The following KCNMA1 variants were observed in gnomAD, a reference collection of about 807,000 sequenced individuals.
KCNMA1 encodes the protein Calcium-activated potassium channel subunit alpha-1.
In KCNMA1, 29 loss-of-function variants were observed where a neutral mutation model predicts 140.0. The observed-to-expected ratio is 0.21, with a 90% CI of 0.15 to 0.28. The LOEUF (loss-of-function observed/expected upper bound fraction) is 0.28, where lower values mean the gene tolerates loss of function less well. Ranked by LOEUF, KCNMA1 falls within the 10% of genes least tolerant of loss-of-function variation. The pLI, the probability that KCNMA1 is intolerant of heterozygous loss-of-function variation, is 1.00. For missense variants in KCNMA1, 880 were observed against 1,602.2 expected (o/e 0.55, Z 7.70); for synonymous variants, 612 against 611.9 (o/e 1.00, Z 0.00).
At chr10:77,595,420 AAT>A (rs2080602925) in intron 1 of KCNMA1, among the ~76,000 whole-genome samples, 1 of 151,772 alleles carries the variant, frequency 6.6e-6, no homozygotes, top group South Asian at 2.1e-4. Context: ...TCCACCCAGT[AAT>A]AGGATAAAAA....
intron 25 of KCNMA1, among the ~76,000 whole-genome samples, chr10:76,908,835 TAATA>T (rs1247341203): frequency 2.0e-5 from 3 of 152,210 alleles, no homozygotes; most frequent in Admixed American, 2.0e-4. Flanking sequence ...ATTTTCTACA[TAATA>T]AATAAAGATG....
intron 9 of KCNMA1, among the ~76,000 whole-genome samples, chr10:77,100,264 T>C (rs186103244): frequency 2.0e-5 from 3 of 152,320 alleles, no homozygotes; most frequent in Admixed American, 2.0e-4. Context: ...TTCTATACAC[T>C]AGCTGACATT....
chr10:76,882,243 G>A (rs1446127176), downstream of KCNMA1, among the ~76,000 whole-genome samples: 1 of 152,208 alleles, frequency 6.6e-6, no homozygotes, highest in Non-Finnish European at 1.5e-5. Context: ...CAGAAAAGGG[G>A]AGACAATGAT....
At chr10:77,388,942 G>A (rs977537903) in intron 2 of KCNMA1, among the ~76,000 whole-genome samples, 1 of 152,118 alleles carries the variant, frequency 6.6e-6, no homozygotes, top group African/African-American at 2.4e-5. Context: ...CTCCAACTCT[G>A]GGGAAAACAA....
intron 9 of KCNMA1, among the ~76,000 whole-genome samples, chr10:77,099,860 C>T (rs148913549): frequency 3.3e-5 from 5 of 152,268 alleles, no homozygotes; most frequent in African/African-American, 1.2e-4. Flanking sequence ...AATCTTTCTG[C>T]ACCCCTCTTT....
chr10:76,977,477 G>C (rs540805572), intron 19 of KCNMA1: 1 of 684,576 alleles, frequency 1.5e-6, no homozygotes, highest in Admixed American at 2.0e-5. Context: ...CATCTCTAAC[G>C]ACAAAGTTGA....
intron 3 of KCNMA1, among the ~76,000 whole-genome samples, chr10:77,246,843 G>A (rs2058647008): frequency 6.6e-6 from 1 of 152,160 alleles, no homozygotes; most frequent in South Asian, 2.1e-4. Context: ...TGGATGAGAT[G>A]CTCTACAAAA....
At position 77,351,749 on chromosome 10, in the gene KCNMA1, C is replaced by T. The variant is rs190217943; in HGVS notation, c.540+52113G>A. Among the ~76,000 whole-genome samples, 90 of 152,326 alleles carry T rather than the reference C, an allele frequency of 5.9e-4. 1 individual carries two copies. The East Asian group carries it at 0.017, about 29-fold the overall frequency. ...AGATCCACAAATTTCTTGCAATATT[C>T]ATGTAACAATGTTCATCTCTTTAGA... is the stretch of plus-strand genomic sequence containing the variant. On this transcript the variant is annotated intron_variant, in intron 2 of 27. Coordinates refer to ENST00000286628, the MANE Select transcript of KCNMA1 (RefSeq NM_001161352.2).
Position 76,889,456 on chromosome 10 carries a change from TG to T in KCNMA1, c.3455del (p.Thr1152LysfsTer20). ...DAHLSTPSQC[T>X]KRYVITNPPY... ...GAGTTGAAACCAATACTCACCTCTTTGTGCACTGACTGGGGGTGCTGAGGTG... is the reference window on the plus strand; with the variant it reads ...GAGTTGAAACCAATACTCACCTCTTTTGCACTGACTGGGGGTGCTGAGGTG... On this transcript the variant is annotated frameshift_variant, in exon 27 of 28. Coordinates refer to ENST00000286628, the MANE Select transcript of KCNMA1 (RefSeq NM_001161352.2). LOFTEE classifies it high-confidence loss of function. 1 of 1,604,646 alleles carries T rather than the reference TG, an allele frequency of 6.2e-7. No individual in the cohort carries two copies.
At chr10:77,288,881 C>T (rs1484623871) in intron 2 of KCNMA1, among the ~76,000 whole-genome samples, 1 of 152,166 alleles carries the variant, frequency 6.6e-6, no homozygotes, top group African/African-American at 2.4e-5. Flanking sequence ...GAGTTTGCAT[C>T]TCAAAAGTGA....
intron 1 of KCNMA1, among the ~76,000 whole-genome samples, chr10:77,410,105 C>G (rs774631098): frequency 6.6e-6 from 1 of 152,172 alleles, no homozygotes; most frequent in Non-Finnish European, 1.5e-5. Flanking sequence ...CCTCACAGAA[C>G]GCAGGGCTCA....
chr10:77,358,325 C>A (rs2093671132), intron 2 of KCNMA1, among the ~76,000 whole-genome samples: 1 of 152,148 alleles, frequency 6.6e-6, no homozygotes, highest in African/African-American at 2.4e-5. Flanking sequence ...GATAAGCCTA[C>A]ATGGTAAAGA....
At position 77,025,233 on chromosome 10, in the gene KCNMA1, G is replaced by GGT. The variant is rs199865838; in HGVS notation, c.1928+2588_1928+2589dup. Among the ~76,000 whole-genome samples, 201 of 59,284 alleles carry GGT rather than the reference G, an allele frequency of 3.4e-3. 2 individuals carry two copies. The highest frequency in any genetic ancestry group is 4.6e-3 in the South Asian group (6 of 1,318). The allele number at this position is 59,284 out of a possible 152,430, so 38.9% of individuals were successfully genotyped here. A position where few individuals can be genotyped will look rare whatever the true frequency, so the allele number is the denominator to read the frequency against. ...AATTTATGTACTCTAGTTGGAGAGG[G>GGT]GTGTGTGTGTATATATATATATATA... On this transcript the variant is annotated intron_variant, in intron 16 of 27. Transcript: ENST00000286628.
chr10:77,009,795 C>T (rs1285383441), intron 18 of KCNMA1, among the ~76,000 whole-genome samples: 1 of 152,164 alleles, frequency 6.6e-6, no homozygotes, highest in Non-Finnish European at 1.5e-5. Flanking sequence ...GCCTCAACAT[C>T]ACCCCTGACT....
At chr10:77,464,099 G>A (rs1326566027) in intron 1 of KCNMA1, among the ~76,000 whole-genome samples, 1 of 152,160 alleles carries the variant, frequency 6.6e-6, no homozygotes, top group East Asian at 1.9e-4. Context: ...ACAAGATTAG[G>A]AGTCAAAATC....
Position 77,403,740 on chromosome 10 carries a change from A to G in KCNMA1, c.540+122T>C, listed in dbSNP as rs1014252422. 8.1e-5 allele frequency: 76 copies of G among 943,092 alleles called. 1 individual carries two copies. Among genetic ancestry groups the G allele is most frequent in the Non-Finnish European group, 1.2e-4 (73 of 634,372 alleles). 58.4% of individuals were successfully genotyped at this position (943,092 alleles called of 1,614,324 possible). ...GACCACGCGGGAGCACTTGCTGCTC[A>G]CCCCCACCTCCCAATAGCCAGCCTC... On this transcript the variant is annotated intron_variant, in intron 2 of 27. Transcript: ENST00000286628.
chr10:76,937,068 C>T (rs2060759077), intron 23 of KCNMA1, among the ~76,000 whole-genome samples: 1 of 152,220 alleles, frequency 6.6e-6, no homozygotes, highest in South Asian at 2.1e-4. Context: ...ACCAATCTCC[C>T]TCCCATCACA....
At chr10:77,510,666 C>T (rs1179583430) in intron 1 of KCNMA1, among the ~76,000 whole-genome samples, 1 of 151,712 alleles carries the variant, frequency 6.6e-6, no homozygotes. Context: ...GGCATGGGGG[C>T]ACACGCCTGT....
intron 23 of KCNMA1, among the ~76,000 whole-genome samples, chr10:76,916,844 G>A (rs2053137635): frequency 6.6e-6 from 1 of 152,098 alleles, no homozygotes; most frequent in African/African-American, 2.4e-5. Flanking sequence ...AAATATAAAA[G>A]GGTTTTCTTA....
Sources: gnomAD v4.1 joint callset for allele counts (sites outside exome capture counted in the v4.1 genomes callset) on GRCh38, gnomAD v4.1.1 for gene constraint, MANE v1.5 for transcripts, NCBI Gene and HGNC (gene_info 2026-07-23, HGNC 2026-07-21) for gene names.